Variants in GRID2 observed in about 807,000 individuals in gnomAD.
GRID2 encodes the protein glutamate receptor ionotropic, delta-2.
In GRID2, 33 loss-of-function variants were observed where a neutral mutation model predicts 114.8. The observed-to-expected ratio is 0.29, with a 90% CI of 0.22 to 0.38. The LOEUF is 0.38. Ranked by LOEUF, GRID2 falls within the 10% of genes least tolerant of loss-of-function variation. The pLI, the probability that GRID2 is intolerant of heterozygous loss-of-function variation, is 1.00. For synonymous variants in GRID2, 505 were observed against 449.9 expected (o/e 1.12, Z -1.55); for missense variants, 1,184 against 1,257.7 (o/e 0.94, Z 0.89).
chr4:92,806,111 G>T (rs1740396474), intron 2 of GRID2, among the ~76,000 whole-genome samples: 1 of 150,102 alleles, frequency 6.7e-6, no homozygotes, highest in Non-Finnish European at 1.5e-5. Context: ...TGATTTAAGG[G>T]TTATATTGCA....
At chr4:93,603,381 A>T (rs1454040491) in intron 13 of GRID2, among the ~76,000 whole-genome samples, 1 of 152,218 alleles carries the variant, frequency 6.6e-6, no homozygotes, top group African/African-American at 2.4e-5. Context: ...ATTCACCTCT[A>T]TGAGAAACAT....
intron 4 of GRID2, among the ~76,000 whole-genome samples, chr4:93,132,477 G>C (rs1338419265): frequency 1.3e-5 from 2 of 152,066 alleles, no homozygotes; most frequent in Non-Finnish European, 2.9e-5. Flanking sequence ...AAAATCCTTT[G>C]TGCTGTCCAC....
chr4:93,565,390 C>A (rs1163941843), intron 13 of GRID2, among the ~76,000 whole-genome samples: 1 of 152,018 alleles, frequency 6.6e-6, no homozygotes, highest in Non-Finnish European at 1.5e-5. Flanking sequence ...GTACAAGGTG[C>A]CTTTCTTACC....
chr4:93,253,667 C>T (rs1419279590), intron 8 of GRID2, among the ~76,000 whole-genome samples: 2 of 151,956 alleles, frequency 1.3e-5, no homozygotes, highest in African/African-American at 2.4e-5. Context: ...CAAATTAATC[C>T]ATGTCTGTAG....
intron 1 of GRID2, among the ~76,000 whole-genome samples, chr4:92,400,257 C>G (rs1730723311): frequency 6.6e-6 from 1 of 152,124 alleles, no homozygotes; most frequent in African/African-American, 2.4e-5. Context: ...TCAGTCACTT[C>G]CCGTTCACCT....
At chr4:92,754,699 T>A (rs1484679540) in intron 2 of GRID2, among the ~76,000 whole-genome samples, 1 of 152,164 alleles carries the variant, frequency 6.6e-6, no homozygotes, top group Non-Finnish European at 1.5e-5. Flanking sequence ...ACCAGTGTAT[T>A]TTGAAATGGT....
intron 13 of GRID2, among the ~76,000 whole-genome samples, chr4:93,589,594 T>G (rs555805521): frequency 1.3e-5 from 2 of 151,998 alleles, no homozygotes; most frequent in South Asian, 4.1e-4. Context: ...GGTCAAATGG[T>G]ATTTCTAGTT....
chr4:92,507,620 C>A (rs1047376475), intron 1 of GRID2, among the ~76,000 whole-genome samples: 1 of 151,876 alleles, frequency 6.6e-6, no homozygotes, highest in African/African-American at 2.4e-5. Flanking sequence ...TAAAAACTCT[C>A]AATATTGTCC....
At chr4:93,230,670 T>C (rs1165946667) in intron 7 of GRID2, among the ~76,000 whole-genome samples, 3 of 152,256 alleles carry the variant, frequency 2.0e-5, no homozygotes, top group African/African-American at 7.2e-5. Context: ...TACCAGGTTT[T>C]TTGGTTTCTA....
intron 1 of GRID2, among the ~76,000 whole-genome samples, chr4:92,352,940 T>A (rs764031735): frequency 2.0e-5 from 3 of 152,066 alleles, no homozygotes; most frequent in Non-Finnish European, 1.5e-5. Flanking sequence ...GAGTTTTGGC[T>A]AAAGGTTTTT....
chr4:93,591,178 T>C (rs1221945510), intron 13 of GRID2, among the ~76,000 whole-genome samples: 12 of 149,416 alleles, frequency 8.0e-5, no homozygotes, highest in African/African-American at 2.9e-4. Flanking sequence ...TTCAGTATGA[T>C]ATTGGCTGTG....
chr4:93,391,843 C>A (rs1764885119), intron 8 of GRID2, among the ~76,000 whole-genome samples: 1 of 152,024 alleles, frequency 6.6e-6, no homozygotes, highest in African/African-American at 2.4e-5. Context: ...GTTTGTTGAA[C>A]ACAAGATATT....
At chr4:93,231,356 A>G (rs981823797) in intron 7 of GRID2, among the ~76,000 whole-genome samples, 3 of 150,638 alleles carry the variant, frequency 2.0e-5, no homozygotes, top group Non-Finnish European at 4.4e-5. Context: ...TGTACTGTGC[A>G]AACTCATTTA....
rs375943760 is a variant in GRID2, at chr4:92,847,092, A to G, written c.245-237903A>G. ...TTATGTCACAAGTCAATCCATGGCC[A>G]TTTTAAGAAATGGAATATGTTGCTA... On this transcript the variant is annotated intron_variant, in intron 2 of 15. Coordinates refer to ENST00000282020, the MANE Select transcript of GRID2 (RefSeq NM_001510.4). Among the ~76,000 whole-genome samples the G allele has an allele frequency of 1.0e-3, 156 of 152,214 alleles. 4 individuals are homozygous for G. In the South Asian group the frequency reaches 0.03, roughly 29 times the overall value.
rs146015539 is a variant in GRID2 at position 92,379,949 on chromosome 4, A to G, written c.88+75205A>G. 2.3e-3 allele frequency among the ~76,000 whole-genome samples: 351 copies of G among 152,130 alleles called. 1 individual carries two copies. The highest frequency in any genetic ancestry group is 3.7e-3 in the Non-Finnish European group (250 of 67,916). ...GCCAGGCTGCACAAATAATAATCCT[A>G]TACTTGTTGCTTTGGAGAAGAAAAT... On this transcript the variant is annotated intron_variant, in intron 1 of 15. Coordinates refer to ENST00000282020, the MANE Select transcript of GRID2 (RefSeq NM_001510.4).
At chr4:93,677,290 T>A (rs1724983657) in intron 14 of GRID2, among the ~76,000 whole-genome samples, 1 of 152,070 alleles carries the variant, frequency 6.6e-6, no homozygotes, top group Non-Finnish European at 1.5e-5. Context: ...TCGAACTGGG[T>A]GGAGCCCACC....
intron 2 of GRID2, among the ~76,000 whole-genome samples, chr4:93,002,552 T>A (rs565212802): frequency 6.6e-6 from 1 of 151,728 alleles, no homozygotes; most frequent in South Asian, 2.1e-4. Context: ...ATTTATCCCA[T>A]CTGCAAAGAG....
chr4:93,236,226 A>G (rs958210941), intron 7 of GRID2, among the ~76,000 whole-genome samples: 1 of 152,014 alleles, frequency 6.6e-6, no homozygotes, highest in Admixed American at 6.6e-5. Flanking sequence ...ATGTTTTGAG[A>G]TATTAACAGT....
chr4:92,916,877 A>G (rs921600022), intron 2 of GRID2, among the ~76,000 whole-genome samples: 8 of 152,186 alleles, frequency 5.3e-5, no homozygotes, highest in African/African-American at 1.7e-4. Context: ...GTATATACCC[A>G]GTAATGGGAT....
Sources: gnomAD v4.1 joint callset for allele counts (sites outside exome capture counted in the v4.1 genomes callset) on GRCh38, gnomAD v4.1.1 for gene constraint, MANE v1.5 for transcripts, NCBI Gene and HGNC (gene_info 2026-07-23, HGNC 2026-07-21) for gene names.